TXNRD1: variants seen among roughly 807,000 people sequenced by gnomAD.
TXNRD1 encodes thioredoxin reductase 1, cytoplasmic.
TXNRD1 carries 57 observed loss-of-function variants against 80.3 expected under a neutral mutation model. The observed-to-expected ratio is 0.71, with a 90% CI of 0.57 to 0.89. The LOEUF is 0.89. TXNRD1 is among the 40% of genes least tolerant of loss of function. The pLI is 0.00. For missense variants in TXNRD1, 730 were observed against 803.0 expected, an observed-to-expected ratio of 0.91 and a Z score of 1.10; for synonymous variants, 291 against 285.2, an observed-to-expected ratio of 1.02 and a Z score of -0.20.
At chr12:104,324,188 C>A (rs2035670568) in intron 10 of TXNRD1, among the ~76,000 whole-genome samples, 1 of 151,978 alleles carries the variant, frequency 6.6e-6, no homozygotes, top group Admixed American at 6.5e-5. Context: ...AGCTCTTTTC[C>A]AAGGATTAGA....
chr12:104,279,124 C>T (rs1348504297), intron 3 of TXNRD1, among the ~76,000 whole-genome samples: 2 of 152,190 alleles, frequency 1.3e-5, no homozygotes, highest in African/African-American at 4.8e-5. Flanking sequence ...TACTAGCCAT[C>T]TTTTATGTAC....
At chr12:104,316,986 T>C (rs1402761887) in intron 7 of TXNRD1, among the ~76,000 whole-genome samples, 1 of 152,226 alleles carries the variant, frequency 6.6e-6, no homozygotes, top group Non-Finnish European at 1.5e-5. Flanking sequence ...AAACTAGTTA[T>C]GCTTCTCTTG....
chr12:104,284,960 G>A (rs958152480), intron 3 of TXNRD1, among the ~76,000 whole-genome samples: 1 of 152,168 alleles, frequency 6.6e-6, no homozygotes, highest in Non-Finnish European at 1.5e-5. Context: ...CGGATCCCTT[G>A]AGGCTAGGAG....
intron 3 of TXNRD1, among the ~76,000 whole-genome samples, chr12:104,267,241 C>CTCTTTCTTTCTTTCTTTCCTTCTT (rs2033515942): frequency 4.7e-5 from 4 of 85,750 alleles, no homozygotes; most frequent in African/African-American, 9.7e-5. Flanking sequence ...ATTTTCTTTT[C>CTCTTTCTTTCTTTCTTTCCTTCTT]TCTTTCTTTC....
chr12:104,255,605 C>T (rs1223112105), intron 2 of TXNRD1, among the ~76,000 whole-genome samples: 1 of 152,070 alleles, frequency 6.6e-6, no homozygotes, highest in East Asian at 1.9e-4. Flanking sequence ...CCAGCCTGAC[C>T]AACATGGAGA....
In TXNRD1 at chr12:104,277,857, G is replaced by A. The variant is rs373981979; in HGVS notation, c.305-11074G>A. ...ATATACCAGCTCCAACACTTACCTGGTTTGTGACCTTTGGCAAGATTCTTT... is the reference window on the plus strand; with the variant it reads ...ATATACCAGCTCCAACACTTACCTGATTTGTGACCTTTGGCAAGATTCTTT... On this transcript the variant is annotated intron_variant, in intron 3 of 16. Transcript: ENST00000525566. 2.0e-5 allele frequency among the ~76,000 whole-genome samples: 3 copies of A among 149,170 alleles called. No individual in the cohort carries two copies. The South Asian group carries it at 6.4e-4, about 32-fold the overall frequency.
chr12:104,226,115 A>G (rs1044907242), intron 1 of TXNRD1, among the ~76,000 whole-genome samples: 1 of 152,076 alleles, frequency 6.6e-6, no homozygotes, highest in Non-Finnish European at 1.5e-5. Flanking sequence ...CAGGGGAATC[A>G]TTTGAACCCT....
At chr12:104,296,405 A>C (rs2034436311) in intron 4 of TXNRD1, among the ~76,000 whole-genome samples, 1 of 152,150 alleles carries the variant, frequency 6.6e-6, no homozygotes, top group Non-Finnish European at 1.5e-5. Context: ...AATATCTTCC[A>C]TATATTGAAA....
At chr12:104,279,351 C>T (rs1274046328) in intron 3 of TXNRD1, among the ~76,000 whole-genome samples, 1 of 152,172 alleles carries the variant, frequency 6.6e-6, no homozygotes, top group Non-Finnish European at 1.5e-5. Flanking sequence ...TTTGACTTCT[C>T]TGTTGGTTTT....
intron 6 of TXNRD1, 128 bp downstream of exon 6, chr12:104,313,445 A>G: frequency 1.5e-6 from 1 of 655,954 alleles, no homozygotes. Flanking sequence ...GCCCCAAAAC[A>G]TATATATCTT....
intron 1 of TXNRD1, among the ~76,000 whole-genome samples, chr12:104,239,576 G>A (rs530909752): frequency 2.7e-5 from 4 of 149,056 alleles, no homozygotes; most frequent in Non-Finnish European, 5.9e-5. Context: ...TTTTTCCCTA[G>A]ACTCAAGTGA....
At chr12:104,220,503 C>T (rs2032326065) in intron 1 of TXNRD1, among the ~76,000 whole-genome samples, 1 of 151,664 alleles carries the variant, frequency 6.6e-6, no homozygotes, top group Non-Finnish European at 1.5e-5. Context: ...GCGGGTGGAT[C>T]ATCTGAGGTC....
chr12:104,331,620 G>A lies in TXNRD1; in HGVS notation c.1629G>A (p.Lys543=). ...CGLSEEKAVE[K]FGEENIEVYH... is the part of the protein sequence containing the mutation. ...TTTCTGAGGAGAAAGCTGTGGAGAA[G>A]TTTGGGGAAGAAAATATTGAGGTAA... The change falls in exon 14 of 17, where the codon AAG becomes AAA. Residue 543 remains lysine, a synonymous_variant. Coordinates refer to ENST00000525566, the MANE Select transcript of TXNRD1 (RefSeq NM_001093771.3). 1 of 1,611,838 alleles carries A rather than the reference G, an allele frequency of 6.2e-7. No individual in the cohort carries two copies. The highest frequency in any genetic ancestry group is 8.5e-7 in the Non-Finnish European group (1 of 1,178,578).
chr12:104,287,037 G>A (rs1228131591), intron 3 of TXNRD1: 2 of 1,386,986 alleles, frequency 1.4e-6, no homozygotes, highest in Non-Finnish European at 1.9e-6. Context: ...TCTTCACTCC[G>A]GCATTTGCAG....
intron 1 of TXNRD1, among the ~76,000 whole-genome samples, chr12:104,221,061 A>C (rs2032344883): frequency 6.6e-6 from 1 of 152,174 alleles, no homozygotes; most frequent in Admixed American, 6.5e-5. Flanking sequence ...TGACACCAGG[A>C]GTTCAAGACC....
At position 104,339,262 on chromosome 12, in the gene TXNRD1, G is replaced by T. The variant is rs1378933290; in HGVS notation, c.1870G>T (p.Val624Phe). 2.5e-6 allele frequency: 4 copies of T among 1,613,758 alleles called. No homozygotes were observed. The highest frequency in any genetic ancestry group is 2.2e-5 in the South Asian group (2 of 91,072). The change falls in exon 16 of 17, where the codon GTC (valine) becomes TTC (phenylalanine). Residue 624 changes from valine to phenylalanine, a missense_variant. By Grantham distance (50) the Val-to-Phe change is conservative. Coordinates refer to ENST00000525566, the MANE Select transcript of TXNRD1 (RefSeq NM_001093771.3). ...QLDSTIGIHPVCAEVFTTLSV... is the reference protein window; with the variant it reads ...QLDSTIGIHPFCAEVFTTLSV... Reference sequence around the variant, plus strand: ...GGACAGCACAATTGGAATCCACCCTGTCTGTGCAGAGGTGGGTCATCTACA... The same window carrying T: ...GGACAGCACAATTGGAATCCACCCTTTCTGTGCAGAGGTGGGTCATCTACA...
chr12:104,225,734 T>C (rs1277963513), intron 1 of TXNRD1, among the ~76,000 whole-genome samples: 1 of 141,982 alleles, frequency 7.0e-6, no homozygotes, highest in Non-Finnish European at 1.5e-5. Flanking sequence ...TTTTTTTTTA[T>C]AAATTACCTA....
chr12:104,300,085 T>C (rs1469024064), intron 4 of TXNRD1, among the ~76,000 whole-genome samples: 1 of 152,224 alleles, frequency 6.6e-6, no homozygotes, highest in East Asian at 1.9e-4. Context: ...AGAAAAATAG[T>C]GGACTCGTGA....
intron 16 of TXNRD1, chr12:104,346,229 TCTCAAA>T (rs2036487533): frequency 4.7e-6 from 1 of 213,110 alleles, no homozygotes; most frequent in Non-Finnish European, 9.7e-6. Context: ...CCCAGGCTGG[TCTCAAA>T]CTCCTGGGCT....
Sources: gnomAD v4.1 joint callset for allele counts (sites outside exome capture counted in the v4.1 genomes callset) on GRCh38, gnomAD v4.1.1 for gene constraint, MANE v1.5 for transcripts, NCBI Gene and HGNC (gene_info 2026-07-23, HGNC 2026-07-21) for gene names.